Variants in ATIC observed in about 807,000 individuals in gnomAD.
ATIC encodes the protein 5-aminoimidazole-4-carboxamide ribonucleotide formyltransferase/IMP cyclohydrolase.
A neutral mutation model predicts 72.5 loss-of-function variants in ATIC; 64 were observed. That is an observed-to-expected ratio of 0.88 (90% CI 0.72 to 1.09). The LOEUF is 1.09. Among genes scored for constraint, ATIC ranks in the 50% least tolerant of loss-of-function variants. The pLI is 0.00. For missense variants in ATIC, 787 were observed against 732.4 expected (o/e 1.07, Z -0.86); for synonymous variants, 281 against 267.1 (o/e 1.05, Z -0.51).
chr2:215,313,190 A>T (rs1332863861), intron 2 of ATIC, among the ~76,000 whole-genome samples: 1 of 152,200 alleles, frequency 6.6e-6, no homozygotes. Flanking sequence ...TGATTTTAGG[A>T]CACTAGTCTT....
At chr2:215,324,729 G>T (rs1428352023) in intron 4 of ATIC, among the ~76,000 whole-genome samples, 3 of 152,004 alleles carry the variant, frequency 2.0e-5, no homozygotes, top group Admixed American at 1.3e-4. Flanking sequence ...TGGCATTCCT[G>T]TTACCATCAT....
In ATIC at chr2:215,318,219, C is replaced by G; in HGVS notation, c.209C>G (p.Pro70Arg). 1 of 1,613,868 alleles carries G rather than the reference C, an allele frequency of 6.2e-7. No individual in the cohort carries two copies. Among genetic ancestry groups the G allele is most frequent in the Non-Finnish European group, 8.5e-7 (1 of 1,179,774 alleles). The change falls in exon 3 of 16, where the codon CCT (proline) becomes CGT (arginine). Residue 70 changes from proline to arginine, a missense_variant. Transcript: ENST00000236959. ...GGGGGACGTGTGAAAACTTTGCATC[C>G]TGCAGTCCATGCTGGTAAGTGGTTG... ...MLGGRVKTLH[P>R]AVHAGILARN...
chr2:215,362,110 G>GTT, the ATIC span: 4 of 1,521,076 alleles, frequency 2.6e-6, no homozygotes, highest in African/African-American at 5.5e-5. Context: ...AGTCAAATGG[G>GTT]GTTTATGATA....
chr2:215,349,243 T>C lies in ATIC; in HGVS notation c.1653T>C (p.Ala551=). Residue 551 remains alanine, a synonymous_variant, in exon 15 of 16, where the codon GCT becomes GCC. Coordinates refer to ENST00000236959, the MANE Select transcript of ATIC (RefSeq NM_004044.7). ...FFPFRDNVDR[A]KRSGVAYIAA... ...CTTTCCGAGATAACGTAGACAGAGC[T>C]AAAAGGGTAAGTATGGAATTGGGTG... The C allele has an allele frequency of 5.6e-6, 9 of 1,614,134 alleles. No homozygotes were observed. The highest frequency in any genetic ancestry group is 7.6e-6 in the Non-Finnish European group (9 of 1,180,026).
chr2:215,361,747 T>TA, the ATIC span: 17 of 1,016,030 alleles, frequency 1.7e-5, no homozygotes, highest in African/African-American at 2.7e-4. Context: ...TATTTCTTCC[T>TA]AGTTTCAAGA....
At chr2:215,313,875 T>C (rs1454321621) in intron 2 of ATIC, among the ~76,000 whole-genome samples, 1 of 152,202 alleles carries the variant, frequency 6.6e-6, no homozygotes, top group Non-Finnish European at 1.5e-5. Context: ...GGCTCTTTGC[T>C]CATCAGCAAC....
At chr2:215,363,180 T>C in the ATIC span, 1 of 152,206 alleles carries the variant, frequency 6.6e-6, no homozygotes. Context: ...TTTCCACTCC[T>C]GTCTTAAATG....
At chr2:215,365,003 A>G in the ATIC span, 1 of 1,451,890 alleles carries the variant, frequency 6.9e-7, no homozygotes, top group South Asian at 1.2e-5. Flanking sequence ...TAGACACAAG[A>G]CAGATGCACG....
At chr2:215,326,765 C>G (rs1264716100) in intron 6 of ATIC, 57 bp from the exon 7 acceptor site, 1 of 1,607,036 alleles carries the variant, frequency 6.2e-7, no homozygotes, top group African/African-American at 1.3e-5. Context: ...AGAAAACCAT[C>G]TTGTCCCCAC....
Position 215,319,665 on chromosome 2 carries a change from G to C in ATIC, c.224G>C (p.Gly75Ala). 1.2e-6 allele frequency: 2 copies of C among 1,607,488 alleles called. No individual in the cohort carries two copies. The highest frequency in any genetic ancestry group is 1.7e-6 in the Non-Finnish European group (2 of 1,174,174). ...VKTLHPAVHAGILARNIPEDN... is the reference protein window; with the variant it reads ...VKTLHPAVHAAILARNIPEDN... ...ACTTTGTTTAACTTTTTTAAATTAGGAATCCTAGCTCGTAATATTCCAGAA... is the reference window on the plus strand; with the variant it reads ...ACTTTGTTTAACTTTTTTAAATTAGCAATCCTAGCTCGTAATATTCCAGAA... The change falls in exon 4 of 16, where the codon GGA becomes GCA. Residue 75 changes from glycine to alanine, a missense_variant and splice_region_variant. Physicochemically the swap from Gly to Ala is moderately conservative, Grantham distance 60. Transcript: ENST00000236959.
rs1465494865 is a variant in ATIC, at chr2:215,349,257, T to C, written c.1659+8T>C. On this transcript the variant is annotated splice_region_variant and intron_variant, in intron 15 of 15. Transcript: ENST00000236959. The stretch of plus-strand genomic sequence containing the variant: ...GTAGACAGAGCTAAAAGGGTAAGTA[T>C]GGAATTGGGTGCATTTGCTTAGAGT... The C allele has an allele frequency of 6.2e-7, 1 of 1,614,098 alleles. No homozygotes were observed. Among genetic ancestry groups the C allele is most frequent in the South Asian group, 1.1e-5 (1 of 91,078 alleles).
intron 2 of ATIC, among the ~76,000 whole-genome samples, chr2:215,313,273 G>A (rs575721602): frequency 6.6e-6 from 1 of 152,304 alleles, no homozygotes; most frequent in African/African-American, 2.4e-5. Context: ...ACTTTGACTG[G>A]TGATTTAATA....
At chr2:215,360,071 C>T in the ATIC span, among the ~76,000 whole-genome samples, 8 of 151,978 alleles carry the variant, frequency 5.3e-5, no homozygotes, top group African/African-American at 7.3e-5. Flanking sequence ...TCTGAGTAGC[C>T]GGGACCAAAG....
chr2:215,329,353 C>T (rs1239299399), intron 7 of ATIC, among the ~76,000 whole-genome samples: 1 of 152,134 alleles, frequency 6.6e-6, no homozygotes, highest in African/African-American at 2.4e-5. Flanking sequence ...GTGTGCGTTT[C>T]TTTTGAAGTT....
intron 7 of ATIC, among the ~76,000 whole-genome samples, chr2:215,329,074 C>T (rs1180778743): frequency 2.6e-5 from 4 of 152,154 alleles, no homozygotes; most frequent in Non-Finnish European, 4.4e-5. Context: ...GCTGAATCCC[C>T]AGGGCTTAGA....
intron 11 of ATIC, 79 bp downstream of exon 11, chr2:215,336,203 A>T (rs1476722766): frequency 8.4e-6 from 9 of 1,068,272 alleles, no homozygotes; most frequent in African/African-American, 1.6e-5. Flanking sequence ...TCTTTCCTTT[A>T]TACTCATACC....
At chr2:215,360,685 A>AGAT in the ATIC span, 24 of 152,806 alleles carry the variant, frequency 1.6e-4, no homozygotes, top group South Asian at 5.0e-3. Context: ...ATTAGTGAAG[A>AGAT]GATGAAGTGA....
chr2:215,333,373 A>G lies in ATIC; in HGVS notation c.838A>G (p.Ser280Gly). The change falls in exon 9 of 16, where the codon AGT (serine) becomes GGT (glycine). Residue 280 changes from serine (S) to glycine (G), a missense_variant. Ser to Gly is a moderately conservative substitution (Grantham distance 56). Transcript: ENST00000236959. ...PAGAAVGIPLSEDEAKVCMVY... is the reference protein window; with the variant it reads ...PAGAAVGIPLGEDEAKVCMVY... ...AGGTGCTGCTGTTGGAATTCCACTC[A>G]GTGAAGATGAGGCCAAAGTCTGCAT... 2.5e-6 allele frequency: 4 copies of G among 1,614,170 alleles called. No homozygotes were observed. The highest frequency in any genetic ancestry group is 3.4e-6 in the Non-Finnish European group (4 of 1,180,024).
chr2:215,346,849 C>T lies in ATIC; in HGVS notation c.1411C>T (p.Pro471Ser), dbSNP rs56117859. Reference protein sequence around the residue: ...KANYWWLRHHPQVLSMKFKTG... With the variant: ...KANYWWLRHHSQVLSMKFKTG... ...AAACTATTGGTGGCTTAGACACCATCCACAAGTGCTTTCGATGAAGTTTAA... is the reference window on the plus strand; with the variant it reads ...AAACTATTGGTGGCTTAGACACCATTCACAAGTGCTTTCGATGAAGTTTAA... Residue 471 changes from proline (P) to serine (S), a missense_variant, in exon 14 of 16, where the codon CCA becomes TCA. Coordinates refer to ENST00000236959, the MANE Select transcript of ATIC (RefSeq NM_004044.7). 10,517 of 1,614,134 alleles carry T rather than the reference C, an allele frequency of 6.5e-3. 447 individuals carry two copies. The African/African-American group carries it at 0.1, about 16-fold the overall frequency.
Sources: allele counts gnomAD v4.1 joint callset (sites outside exome capture counted in the v4.1 genomes callset), GRCh38; gene constraint gnomAD v4.1.1; transcripts MANE v1.5; gene names NCBI Gene and HGNC (gene_info 2026-07-23, HGNC 2026-07-21).